CPAP: variants seen among roughly 807,000 people sequenced by gnomAD.
The protein encoded by CPAP is centrosomal P4.1-associated protein.
the CPAP span, chr13:24,886,273 A>G: frequency 4.4e-5 from 57 of 1,281,642 alleles, no homozygotes; most frequent in Non-Finnish European, 5.5e-5. Context: ...TCTGACCTCC[A>G]TGTTAAAAAG....
the CPAP span, among the ~76,000 whole-genome samples, chr13:24,926,713 C>G: frequency 6.6e-6 from 1 of 152,110 alleles, no homozygotes; most frequent in Non-Finnish European, 1.5e-5. Flanking sequence ...GTTACGGGAC[C>G]CTGTCTTAGG....
chr13:24,917,318 T>C, the CPAP span, among the ~76,000 whole-genome samples: 2 of 152,246 alleles, frequency 1.3e-5, no homozygotes, highest in African/African-American at 2.4e-5. Flanking sequence ...TATAGTCACA[T>C]GGCTACTGAG....
the CPAP span, among the ~76,000 whole-genome samples, chr13:24,930,884 T>A: frequency 1.3e-5 from 2 of 152,342 alleles, no homozygotes; most frequent in Admixed American, 1.3e-4. Flanking sequence ...TTGAGAAATC[T>A]CCAAACTGCT....
the CPAP span, chr13:24,912,194 C>T: frequency 1.1e-6 from 1 of 870,416 alleles, no homozygotes; most frequent in Non-Finnish European, 1.8e-6. Flanking sequence ...GACAGGGACC[C>T]CTAGGTAACT....
the CPAP span, chr13:24,906,702 T>A: frequency 6.2e-7 from 1 of 1,614,234 alleles, no homozygotes; most frequent in Non-Finnish European, 8.5e-7. Context: ...CCACTCTTGG[T>A]TCTAGCTTTA....
chr13:24,933,730 CTT>C, the CPAP span, among the ~76,000 whole-genome samples: 2 of 144,772 alleles, frequency 1.4e-5, no homozygotes, highest in African/African-American at 2.5e-5. Context: ...ACCTCTTCTT[CTT>C]TTTTTTTTTT....
chr13:24,909,453 G>A, the CPAP span, among the ~76,000 whole-genome samples: 6 of 151,810 alleles, frequency 4.0e-5, no homozygotes, highest in South Asian at 2.1e-4. Context: ...ACTTGAACCC[G>A]AGAGGCAGAG....
At chr13:24,885,235 TA>T in the CPAP span, 1 of 1,328,778 alleles carries the variant, frequency 7.5e-7, no homozygotes, top group Admixed American at 1.7e-5. Context: ...AACCCATGTT[TA>T]TTTTTTATAG....
the CPAP span, chr13:24,885,212 T>C: frequency 9.0e-7 from 1 of 1,106,694 alleles, no homozygotes; most frequent in South Asian, 1.3e-5. Context: ...ATTCTATGTG[T>C]TTCAACTATT....
chr13:24,898,797 A>G, the CPAP span, among the ~76,000 whole-genome samples: 1 of 152,222 alleles, frequency 6.6e-6, no homozygotes, highest in African/African-American at 2.4e-5. Context: ...ATTTTATACT[A>G]GAAGCAATGG....
At chr13:24,884,128 A>G in the CPAP span, 1 of 1,588,418 alleles carries the variant, frequency 6.3e-7, no homozygotes, top group South Asian at 1.1e-5. Context: ...AAGGAAGGGA[A>G]GAATTTAATG....
At chr13:24,926,153 C>T in the CPAP span, among the ~76,000 whole-genome samples, 5 of 152,132 alleles carry the variant, frequency 3.3e-5, no homozygotes, top group African/African-American at 7.2e-5. Context: ...CAACAGATCA[C>T]GATGGAACCC....
the CPAP span, chr13:24,892,805 T>G: frequency 1.2e-6 from 2 of 1,613,850 alleles, no homozygotes; most frequent in Non-Finnish European, 1.7e-6. Flanking sequence ...TGTGTGTACT[T>G]GACCATTTGG....
chr13:24,882,769 CAG>C, the CPAP span: 1,051 of 188,686 alleles, frequency 5.6e-3, 31 homozygotes, highest in East Asian at 0.084. Context: ...ATTTTGGCTA[CAG>C]AGACACGTGT....
chr13:24,889,339 TTGTA>T, the CPAP span: 1 of 1,611,506 alleles, frequency 6.2e-7, no homozygotes, highest in African/African-American at 1.3e-5. Flanking sequence ...ATAATTTTTC[TTGTA>T]TTTTTCTACC....
chr13:24,884,153 G>A, the CPAP span: 1 of 1,613,996 alleles, frequency 6.2e-7, no homozygotes, highest in Admixed American at 1.7e-5. Flanking sequence ...GGTGGAGCAA[G>A]TTTGTACCTA....
chr13:24,887,636 G>A, the CPAP span, among the ~76,000 whole-genome samples: 1 of 151,922 alleles, frequency 6.6e-6, no homozygotes. Context: ...ACATTATGGT[G>A]AGTTGTATAA....
At chr13:24,886,853 C>T in the CPAP span, among the ~76,000 whole-genome samples, 4 of 152,130 alleles carry the variant, frequency 2.6e-5, no homozygotes, top group Non-Finnish European at 5.9e-5. Context: ...GGATTCAAAC[C>T]CACTATATAT....
At chr13:24,924,660 A>G in the CPAP span, 6,485 of 152,304 alleles carry the variant, frequency 0.043, 237 homozygotes, top group African/African-American at 0.1. Flanking sequence ...CTGTAGAGAA[A>G]AATTAGACTA....
Sources: gnomAD v4.1 joint callset for allele counts (sites outside exome capture counted in the v4.1 genomes callset) on GRCh38, gnomAD v4.1.1 for gene constraint, MANE v1.5 for transcripts, NCBI Gene and HGNC (gene_info 2026-07-23, HGNC 2026-07-21) for gene names.